MALRD1: variants seen among roughly 807,000 people sequenced by gnomAD.
MALRD1 encodes the protein MAM and LDL receptor class A domain containing 1, also known as MAM and LDL-receptor class A domain-containing protein 1.
In MALRD1, 247 loss-of-function variants were observed where a neutral mutation model predicts 242.1. The observed-to-expected ratio is 1.02, with a 90% CI of 0.92 to 1.13. The LOEUF (loss-of-function observed/expected upper bound fraction) is 1.13, where lower values mean the gene tolerates loss of function less well. Among genes scored for constraint, MALRD1 ranks in the 50% most tolerant of loss-of-function variants. The probability of loss-of-function intolerance (pLI) is 0.00; values close to 1 mark genes in which losing one functional copy is unlikely to be tolerated. For synonymous variants in MALRD1, 995 were observed against 866.6 expected (o/e 1.15, Z -2.60); for missense variants, 2,989 against 2,533.1 (o/e 1.18, Z -3.86).
intron 33 of MALRD1, among the ~76,000 whole-genome samples, chr10:19,577,029 A>G (rs1836866642): frequency 6.6e-6 from 1 of 151,752 alleles, no homozygotes; most frequent in Admixed American, 6.6e-5. Flanking sequence ...GATTGAGAAA[A>G]ATGTAAAATA....
intron 8 of MALRD1, among the ~76,000 whole-genome samples, chr10:19,129,561 C>T (rs190275862): frequency 6.6e-6 from 1 of 152,010 alleles, no homozygotes; most frequent in Admixed American, 6.6e-5. Context: ...CTCTCTTCTT[C>T]CCCAAAGAGG....
intron 24 of MALRD1, among the ~76,000 whole-genome samples, chr10:19,341,410 A>C (rs987202718): frequency 2.7e-5 from 4 of 150,094 alleles, no homozygotes. Context: ...CACAAATATC[A>C]AACAAAATAA....
At chr10:19,396,428 C>A (rs1846583615) in intron 28 of MALRD1, among the ~76,000 whole-genome samples, 1 of 152,108 alleles carries the variant, frequency 6.6e-6, no homozygotes, top group Non-Finnish European at 1.5e-5. Flanking sequence ...AGCCACTGTG[C>A]TGGCCTCGTT....
chr10:19,507,244 G>A (rs929133836), intron 31 of MALRD1, among the ~76,000 whole-genome samples: 4 of 152,074 alleles, frequency 2.6e-5, no homozygotes, highest in African/African-American at 4.8e-5. Context: ...GATTTAGGCA[G>A]GAACCAATAT....
In MALRD1 at chr10:19,680,363, G is replaced by T. The variant is rs375523664; in HGVS notation, c.6138-11919G>T. Among the ~76,000 whole-genome samples the T allele has an allele frequency of 5.9e-5, 9 of 152,128 alleles. No homozygotes were observed. In the East Asian group the frequency reaches 1.7e-3, roughly 29 times the overall value. On this transcript the variant is annotated intron_variant, in intron 36 of 39. Coordinates refer to ENST00000454679, the MANE Select transcript of MALRD1 (RefSeq NM_001142308.3). ...TATATTTAGAAAGTTAGCTCTTCTTGTTGAATTGACCCCTTTACCATTATG... is the reference window on the plus strand; with the variant it reads ...TATATTTAGAAAGTTAGCTCTTCTTTTTGAATTGACCCCTTTACCATTATG...
chr10:19,234,695 A>G (rs1298213181), intron 18 of MALRD1, among the ~76,000 whole-genome samples: 1 of 152,270 alleles, frequency 6.6e-6, no homozygotes, highest in East Asian at 1.9e-4. Context: ...TTGAAAATAG[A>G]TCCTACTATA....
At chr10:19,396,202 A>G (rs75531959) in intron 28 of MALRD1, among the ~76,000 whole-genome samples, 2,696 of 143,482 alleles carry the variant, frequency 0.019, 74 homozygotes, top group African/African-American at 0.067. Flanking sequence ...CAGTGATGCA[A>G]TCTCAGCTCA....
chr10:19,731,705 C>G (rs1266129941), intron 39 of MALRD1, among the ~76,000 whole-genome samples: 1 of 152,076 alleles, frequency 6.6e-6, no homozygotes, highest in Non-Finnish European at 1.5e-5. Context: ...TATGAGAATT[C>G]ATCTGGATAT....
intron 21 of MALRD1, among the ~76,000 whole-genome samples, chr10:19,310,353 T>G (rs1842377292): frequency 6.6e-6 from 1 of 151,440 alleles, no homozygotes; most frequent in Non-Finnish European, 1.5e-5. Flanking sequence ...AAAGGACAAT[T>G]GAAGGGATAA....
intron 7 of MALRD1, among the ~76,000 whole-genome samples, chr10:19,125,638 T>C (rs1280578757): frequency 1.3e-5 from 2 of 151,748 alleles, no homozygotes; most frequent in Admixed American, 6.6e-5. Flanking sequence ...TTGTTATGAC[T>C]ATTCTTAATT....
At chr10:19,153,821 A>G (rs987823477) in intron 11 of MALRD1, among the ~76,000 whole-genome samples, 2 of 152,062 alleles carry the variant, frequency 1.3e-5, no homozygotes, top group Non-Finnish European at 2.9e-5. Context: ...CTTTTGCTTC[A>G]TTTAGATTTT....
At chr10:19,320,873 T>C (rs1370588924) in intron 21 of MALRD1, among the ~76,000 whole-genome samples, 1 of 152,134 alleles carries the variant, frequency 6.6e-6, no homozygotes, top group Admixed American at 6.6e-5. Flanking sequence ...AAATGTCTTC[T>C]TTTGAGAAGT....
rs74121413 is a variant in MALRD1, at chr10:19,257,301, T to A, written c.2992-383T>A. On this transcript the variant is annotated intron_variant, in intron 18 of 39. Transcript: ENST00000454679. Reference sequence around the variant, plus strand: ...GAGGAGGTTTAATTTGGGAAACAGATGACCCAGGAGGATGAGGGAACAATT... The same window carrying A: ...GAGGAGGTTTAATTTGGGAAACAGAAGACCCAGGAGGATGAGGGAACAATT... Among the ~76,000 whole-genome samples the A allele has an allele frequency of 4.6e-3, 702 of 152,234 alleles. 7 individuals are homozygous for A. The highest frequency in any genetic ancestry group is 0.016 in the African/African-American group (676 of 41,550).
chr10:19,569,735 G>A (rs1185394127), intron 33 of MALRD1, among the ~76,000 whole-genome samples: 3 of 145,442 alleles, frequency 2.1e-5, no homozygotes, highest in African/African-American at 5.0e-5. Flanking sequence ...ATATTAACAT[G>A]CAGTCCATAT....
intron 2 of MALRD1, among the ~76,000 whole-genome samples, chr10:19,087,030 G>C: frequency 6.6e-6 from 1 of 152,030 alleles, no homozygotes; most frequent in East Asian, 1.9e-4. Context: ...GTATGAGTGT[G>C]AAGTTTGGTC....
chr10:19,449,435 A>G (rs1025417530), intron 28 of MALRD1, among the ~76,000 whole-genome samples: 3 of 152,216 alleles, frequency 2.0e-5, no homozygotes, highest in African/African-American at 4.8e-5. Context: ...GCAATTTATA[A>G]TAATGGTGTC....
Position 19,123,555 on chromosome 10 carries a change from A to T in MALRD1, c.758A>T (p.Asp253Val). The change falls in exon 6 of 40, where the codon GAT becomes GTT. Residue 253 changes from aspartate to valine, a missense_variant. Physicochemically the swap from Asp to Val is radical, Grantham distance 152 (BLOSUM62 -3). Coordinates refer to ENST00000454679, the MANE Select transcript of MALRD1 (RefSeq NM_001142308.3). ...AERELCHPDT[D>V]LCRFDATDEE... The stretch of plus-strand genomic sequence containing the variant: ...CGGGAGCTATGCCATCCAGATACAG[A>T]TCTCTGCAGATTTGATGCTACAGAT... 8.1e-7 allele frequency: 1 copy of T among 1,233,730 alleles called. No individual in the cohort carries two copies. The allele number at this position is 1,233,730 out of a possible 1,614,324, so 76.4% of individuals were successfully genotyped here.
In MALRD1 at chr10:19,395,581, G is replaced by A. The variant is rs536999949; in HGVS notation, c.4845+5972G>A. Among the ~76,000 whole-genome samples, 403 of 152,264 alleles carry A rather than the reference G, an allele frequency of 2.6e-3. 6 individuals carry two copies. The highest frequency in any genetic ancestry group is 9.4e-3 in the African/African-American group (391 of 41,562). On this transcript the variant is annotated intron_variant, in intron 28 of 39. Transcript: ENST00000454679. ...ATGGGAGGCAGGTTTTCCCTAAGCA[G>A]TTCCCAGCTTGACTTTTCCCTTTAG...
intron 20 of MALRD1, 141 bp from the exon 21 acceptor site, chr10:19,282,878 A>G: frequency 1.7e-6 from 1 of 572,928 alleles, no homozygotes; most frequent in Admixed American, 4.2e-5. Context: ...GTGATTTTAC[A>G]AACCATTTGC....
Sources: gnomAD v4.1 joint callset for allele counts (sites outside exome capture counted in the v4.1 genomes callset) on GRCh38, gnomAD v4.1.1 for gene constraint, MANE v1.5 for transcripts, NCBI Gene and HGNC (gene_info 2026-07-23, HGNC 2026-07-21) for gene names.